TIAM1: variants seen among roughly 807,000 people sequenced by gnomAD.
TIAM1 encodes the protein rho guanine nucleotide exchange factor TIAM1.
In TIAM1, 65 loss-of-function variants were observed where a neutral mutation model predicts 163.5. The ratio of observed to expected loss-of-function variants is 0.40; its 90% CI spans 0.33 to 0.49. The LOEUF is 0.49. Ranked by LOEUF, TIAM1 falls within the 20% of genes least tolerant of loss-of-function variation. TIAM1 has a pLI of 0.77. For synonymous variants in TIAM1, 833 were observed against 810.1 expected, an observed-to-expected ratio of 1.03 and a Z score of -0.48; for missense variants, 1,789 against 2,044.7, an observed-to-expected ratio of 0.87 and a Z score of 2.41.
chr21:31,443,014 A>C (rs1207341245), intron 2 of TIAM1, among the ~76,000 whole-genome samples: 1 of 152,212 alleles, frequency 6.6e-6, no homozygotes, highest in Non-Finnish European at 1.5e-5. Flanking sequence ...TCCTATGTAC[A>C]TGTTACCCAG....
intron 2 of TIAM1, among the ~76,000 whole-genome samples, chr21:31,324,123 G>A (rs894834512): frequency 1.3e-5 from 2 of 152,104 alleles, no homozygotes; most frequent in African/African-American, 4.8e-5. Context: ...GTAATGGTGG[G>A]TACAGTAATG....
chr21:31,315,873 A>G (rs2075106135), intron 2 of TIAM1, among the ~76,000 whole-genome samples: 1 of 151,844 alleles, frequency 6.6e-6, no homozygotes, highest in South Asian at 2.1e-4. Flanking sequence ...GCTATTCAGG[A>G]GGCTGAGGCA....
intron 1 of TIAM1, among the ~76,000 whole-genome samples, chr21:31,542,568 GATC>G (rs1226663679): frequency 3.3e-5 from 5 of 152,130 alleles, no homozygotes; most frequent in African/African-American, 1.2e-4. Context: ...CTCCCTCAAG[GATC>G]ATCCATGATT....
chr21:31,333,400 T>C (rs1184905860), intron 2 of TIAM1, among the ~76,000 whole-genome samples: 1 of 152,194 alleles, frequency 6.6e-6, no homozygotes, highest in African/African-American at 2.4e-5. Context: ...TCTAAACTTC[T>C]AGTTTATACC....
At chr21:31,458,456 T>C (rs2045196398) in intron 2 of TIAM1, among the ~76,000 whole-genome samples, 1 of 151,848 alleles carries the variant, frequency 6.6e-6, no homozygotes, top group Admixed American at 6.6e-5. Flanking sequence ...AAAAGAAAAC[T>C]GTCCTGGTTT....
chr21:31,152,829 A>C, intron 18 of TIAM1, 68 bp from the exon 19 acceptor site: 1 of 1,556,740 alleles, frequency 6.4e-7, no homozygotes. Context: ...TTTATATCTG[A>C]TTACAAGGTT....
intron 1 of TIAM1, among the ~76,000 whole-genome samples, chr21:31,499,873 C>CAA (rs34314952): frequency 6.9e-6 from 1 of 145,002 alleles, no homozygotes; most frequent in African/African-American, 2.6e-5. Flanking sequence ...AAGAAGAAAA[C>CAA]AAAAAAAAAA....
chr21:31,431,185 A>C (rs533140567), intron 2 of TIAM1, among the ~76,000 whole-genome samples: 2 of 152,304 alleles, frequency 1.3e-5, no homozygotes, highest in East Asian at 3.9e-4. Context: ...AACTTGGCTC[A>C]TCTGAAGACC....
intron 1 of TIAM1, among the ~76,000 whole-genome samples, chr21:31,486,821 T>A (rs577477108): frequency 6.6e-6 from 1 of 152,330 alleles, no homozygotes; most frequent in African/African-American, 2.4e-5. Flanking sequence ...ATGAGAGTCA[T>A]ATCACCACTC....
chr21:31,438,317 A>G (rs1472906270), intron 2 of TIAM1, among the ~76,000 whole-genome samples: 2 of 148,316 alleles, frequency 1.3e-5, no homozygotes, highest in Non-Finnish European at 3.0e-5. Context: ...TCAGCCTCCC[A>G]AGTAGCTGGG....
At chr21:31,506,364 A>C (rs1173249326) in intron 1 of TIAM1, among the ~76,000 whole-genome samples, 5 of 150,580 alleles carry the variant, frequency 3.3e-5, no homozygotes, top group African/African-American at 1.2e-4. Context: ...CTATCATCTT[A>C]ACCCTTCTTA....
At chr21:31,280,289 G>C (rs2073491824) in intron 2 of TIAM1, among the ~76,000 whole-genome samples, 1 of 152,292 alleles carries the variant, frequency 6.6e-6, no homozygotes, top group South Asian at 2.1e-4. Context: ...TTCTTGTGCT[G>C]TTCTCCCAAT....
At chr21:31,392,138 C>G (rs1452944134) in intron 2 of TIAM1, among the ~76,000 whole-genome samples, 3 of 152,150 alleles carry the variant, frequency 2.0e-5, no homozygotes, top group Admixed American at 6.5e-5. Flanking sequence ...GTATTTTCAA[C>G]TTAAGGTATT....
At chr21:31,508,843 CA>C (rs1438047861) in intron 1 of TIAM1, among the ~76,000 whole-genome samples, 2 of 152,056 alleles carry the variant, frequency 1.3e-5, no homozygotes, top group African/African-American at 4.8e-5. Flanking sequence ...CAAGCTAGCC[CA>C]CAGGGCAGTT....
intron 3 of TIAM1, among the ~76,000 whole-genome samples, chr21:31,273,980 G>A (rs1421547703): frequency 6.6e-6 from 1 of 152,192 alleles, no homozygotes; most frequent in Non-Finnish European, 1.5e-5. Context: ...ACTCTGGGGG[G>A]CCGAGGTAGT....
intron 2 of TIAM1, among the ~76,000 whole-genome samples, chr21:31,298,862 T>C (rs1281984419): frequency 2.0e-5 from 3 of 151,580 alleles, no homozygotes; most frequent in East Asian, 3.9e-4. Context: ...ATGAGAAGTA[T>C]AATGGTATAT....
chr21:31,159,284 G>A (rs759714931), intron 16 of TIAM1, among the ~76,000 whole-genome samples: 4 of 152,198 alleles, frequency 2.6e-5, no homozygotes, highest in Admixed American at 6.5e-5. Flanking sequence ...TGAGACCAGC[G>A]TGATGCTCAA....
At chr21:31,291,486 C>A (rs900524426) in intron 2 of TIAM1, among the ~76,000 whole-genome samples, 1 of 152,068 alleles carries the variant, frequency 6.6e-6, no homozygotes, top group African/African-American at 2.4e-5. Flanking sequence ...AAAATACACA[C>A]CCTTCCCTCA....
intron 2 of TIAM1, among the ~76,000 whole-genome samples, chr21:31,408,706 T>C (rs1321533889): frequency 6.6e-6 from 1 of 152,168 alleles, no homozygotes; most frequent in Non-Finnish European, 1.5e-5. Flanking sequence ...TTTTTCATCT[T>C]CTCCCCATGT....
Sources: allele counts gnomAD v4.1 joint callset (sites outside exome capture counted in the v4.1 genomes callset), GRCh38; gene constraint gnomAD v4.1.1; transcripts MANE v1.5; gene names NCBI Gene and HGNC (gene_info 2026-07-23, HGNC 2026-07-21).